The following KCNQ5 variants were observed in gnomAD, a reference collection of about 807,000 sequenced individuals.
The protein encoded by KCNQ5 is potassium voltage-gated channel subfamily Q member 5, also known as potassium voltage-gated channel subfamily KQT member 5.
Under a neutral mutation model 98.2 loss-of-function variants are expected in KCNQ5, and 30 were observed. That is an observed-to-expected ratio of 0.31 (90% CI 0.23 to 0.41). The LOEUF (loss-of-function observed/expected upper bound fraction) is 0.41. Ranked by LOEUF, KCNQ5 falls within the 10% of genes least tolerant of loss-of-function variation. KCNQ5 has a pLI of 1.00. For synonymous variants in KCNQ5, 458 were observed against 449.4 expected, an observed-to-expected ratio of 1.02 and a Z score of -0.24; for missense variants, 835 against 1,182.5, an observed-to-expected ratio of 0.71 and a Z score of 4.31.
intron 3 of KCNQ5, 150 bp downstream of exon 3, chr6:73,042,212 T>G: frequency 1.2e-6 from 1 of 840,502 alleles, no homozygotes; most frequent in Non-Finnish European, 2.0e-6. Flanking sequence ...AAATGTTGAC[T>G]CATTTGATGT....
intron 1 of KCNQ5, among the ~76,000 whole-genome samples, chr6:72,819,120 G>C (rs146312883): frequency 1.7e-3 from 264 of 151,790 alleles, no homozygotes; most frequent in Non-Finnish European, 3.1e-3. Flanking sequence ...TTAACAGTTC[G>C]ACAATTTTAT....
At chr6:72,815,472 A>G (rs1449862975) in intron 1 of KCNQ5, among the ~76,000 whole-genome samples, 1 of 152,202 alleles carries the variant, frequency 6.6e-6, no homozygotes, top group African/African-American at 2.4e-5. Context: ...AAAGGCAGCA[A>G]GGTGAGAAGA....
intron 1 of KCNQ5, among the ~76,000 whole-genome samples, chr6:72,919,854 G>A (rs540582252): frequency 1.5e-4 from 23 of 152,176 alleles, no homozygotes; most frequent in African/African-American, 4.6e-4. Context: ...TTCTTCAAGA[G>A]CTCACTAGTA....
At chr6:73,078,640 C>T (rs1773635634) in intron 5 of KCNQ5, among the ~76,000 whole-genome samples, 1 of 152,162 alleles carries the variant, frequency 6.6e-6, no homozygotes, top group South Asian at 2.1e-4. Flanking sequence ...CTGGCTCCTT[C>T]CACAGTGTGG....
intron 3 of KCNQ5, chr6:73,055,899 T>A (rs1772467007): frequency 1.8e-6 from 1 of 558,418 alleles, no homozygotes; most frequent in Admixed American, 2.2e-5. Context: ...TGCATCCATC[T>A]GTCCCTCCCT....
chr6:73,016,273 G>C (rs960622617), intron 2 of KCNQ5, among the ~76,000 whole-genome samples: 7 of 152,064 alleles, frequency 4.6e-5, no homozygotes, highest in Non-Finnish European at 7.4e-5. Context: ...GGCAGATAGA[G>C]CTTCAAGGAC....
intron 1 of KCNQ5, among the ~76,000 whole-genome samples, chr6:72,841,170 A>C (rs1776772590): frequency 1.3e-5 from 2 of 152,120 alleles, no homozygotes; most frequent in African/African-American, 4.8e-5. Flanking sequence ...CTCCCTTTCT[A>C]ACCACACTGC....
chr6:72,696,971 C>A lies in KCNQ5; in HGVS notation c.398+74384C>A, dbSNP rs1565085583. Among the ~76,000 whole-genome samples, 4 of 152,182 alleles carry A rather than the reference C, an allele frequency of 2.6e-5. No homozygotes were observed. The East Asian group carries it at 7.7e-4, about 29-fold the overall frequency. ...GATGAAGATAATCAGTTTACTGCTA[C>A]CCCTTACAAAGTCTGATATTTATTT... On this transcript the variant is annotated intron_variant, in intron 1 of 13. Transcript: ENST00000370398.
rs192755779 is a variant in KCNQ5, at chr6:72,624,970, A to G, written c.398+2383A>G. On this transcript the variant is annotated intron_variant, in intron 1 of 13. Coordinates refer to ENST00000370398, the MANE Select transcript of KCNQ5 (RefSeq NM_019842.4). ...AGTTTAACTAGACCCCAATAAAATA[A>G]TTTCGAGAGAGGTGTAACTAACTAA... 9.2e-5 allele frequency among the ~76,000 whole-genome samples: 14 copies of G among 152,326 alleles called. No homozygotes were observed. In the Middle Eastern group the frequency reaches 0.014, roughly 148 times the overall value.
At chr6:73,119,833 C>T (rs1375587045) in intron 7 of KCNQ5, among the ~76,000 whole-genome samples, 1 of 152,112 alleles carries the variant, frequency 6.6e-6, no homozygotes, top group African/African-American at 2.4e-5. Context: ...AGCATTTAAC[C>T]AGTCAATCAT....
chr6:73,195,341 G>A lies in KCNQ5; in HGVS notation c.2726G>A (p.Arg909Gln), dbSNP rs184951305. The change falls in exon 14 of 14, where the codon CGA (arginine) becomes CAA (glutamine). Residue 909 changes from arginine to glutamine, a missense_variant. Physicochemically the swap from Arg to Gln is conservative, Grantham distance 43. Transcript: ENST00000370398. Reference sequence around the variant, plus strand: ...GACTCTCTAAGGACTGGAAGGTCACGATCATCTCAGAGCATTTGTAAGGCA... The same window carrying A: ...GACTCTCTAAGGACTGGAAGGTCACAATCATCTCAGAGCATTTGTAAGGCA... The part of the protein sequence containing the change: ...ASDSLRTGRS[R>Q]SSQSICKAGE... The A allele has an allele frequency of 3.0e-5, 48 of 1,614,144 alleles. No homozygotes were observed. The Admixed American group carries it at 3.0e-4, about 10-fold the overall frequency.
chr6:72,878,230 A>G (rs112348907), intron 1 of KCNQ5, among the ~76,000 whole-genome samples: 42,676 of 152,024 alleles, frequency 0.28, 6,096 homozygotes, highest in Non-Finnish European at 0.29. Context: ...AGATTGCGCC[A>G]CTGCACTCCA....
intron 1 of KCNQ5, among the ~76,000 whole-genome samples, chr6:72,933,952 G>C (rs1048023461): frequency 6.6e-6 from 1 of 152,094 alleles, no homozygotes; most frequent in Non-Finnish European, 1.5e-5. Flanking sequence ...AATTAAACAA[G>C]TAAACAAATA....
At chr6:72,630,985 A>G (rs763934789) in intron 1 of KCNQ5, among the ~76,000 whole-genome samples, 3 of 152,186 alleles carry the variant, frequency 2.0e-5, no homozygotes, top group Non-Finnish European at 4.4e-5. Flanking sequence ...TAAGCAAGAG[A>G]TAATTAGGAC....
intron 9 of KCNQ5, among the ~76,000 whole-genome samples, chr6:73,131,602 A>G (rs1362067728): frequency 6.6e-6 from 1 of 151,974 alleles, no homozygotes; most frequent in Non-Finnish European, 1.5e-5. Context: ...ACAATTTAAA[A>G]AAAAAAAAAG....
intron 1 of KCNQ5, among the ~76,000 whole-genome samples, chr6:72,780,833 T>C (rs1561978922): frequency 6.6e-6 from 1 of 152,194 alleles, no homozygotes; most frequent in Admixed American, 6.5e-5. Flanking sequence ...AATTATAAGC[T>C]GTCACTTACT....
intron 10 of KCNQ5, among the ~76,000 whole-genome samples, chr6:73,149,854 G>A (rs1329789408): frequency 6.7e-6 from 1 of 149,862 alleles, no homozygotes; most frequent in East Asian, 2.0e-4. Context: ...AAGGAAGGAA[G>A]GCAAGCTGAT....
chr6:72,734,158 C>T (rs905288700), intron 1 of KCNQ5, among the ~76,000 whole-genome samples: 3 of 152,156 alleles, frequency 2.0e-5, no homozygotes, highest in South Asian at 4.1e-4. Context: ...AAGTGAGAAG[C>T]GAGCTGTAAC....
In KCNQ5 at chr6:73,170,936, A is replaced by AAAAATAAAAT. The variant is rs149081545; in HGVS notation, c.1577+1099_1577+1108dup. 4.2e-3 allele frequency among the ~76,000 whole-genome samples: 634 copies of AAAAATAAAAT among 152,096 alleles called. 26 individuals are homozygous for AAAAATAAAAT. The East Asian group carries it at 0.1, about 24-fold the overall frequency. On this transcript the variant is annotated intron_variant, in intron 11 of 13. Coordinates refer to ENST00000370398, the MANE Select transcript of KCNQ5 (RefSeq NM_019842.4). The stretch of plus-strand genomic sequence containing the variant: ...GCAACAGAATGAGATTCTGCCTCCA[A>AAAAATAAAAT]AAAATAAAATAAAATAAAATAAAAT...
Sources: allele counts gnomAD v4.1 joint callset (sites outside exome capture counted in the v4.1 genomes callset), GRCh38; gene constraint gnomAD v4.1.1; transcripts MANE v1.5; gene names NCBI Gene and HGNC (gene_info 2026-07-23, HGNC 2026-07-21).